MSL3: variants seen among roughly 807,000 people sequenced by gnomAD.
MSL3 encodes the protein MSL3-like 1.
In MSL3, 5 loss-of-function variants were observed where a neutral mutation model predicts 37.2. The observed-to-expected ratio is 0.13, with a 90% CI of 0.07 to 0.28. The LOEUF (loss-of-function observed/expected upper bound fraction) is 0.28, where lower values mean the gene tolerates loss of function less well. Ranked by LOEUF, MSL3 falls within the 10% of genes least tolerant of loss-of-function variation. MSL3 has a pLI of 1.00. For missense variants in MSL3, 315 were observed against 408.5 expected, an observed-to-expected ratio of 0.77 and a Z score of 1.97; for synonymous variants, 149 against 147.6, an observed-to-expected ratio of 1.01 and a Z score of -0.07.
intron 8 of MSL3, 92 bp downstream of exon 8, chrX:11,764,030 C>A: frequency 3.7e-6 from 3 of 817,071 alleles, no homozygotes; most frequent in Non-Finnish European, 5.2e-6. Context: ...TGGTGTGGGC[C>A]AACATGTTTG....
intron 4 of MSL3, chrX:11,761,204 CT>C: frequency 2.8e-6 from 1 of 353,227 alleles, no homozygotes; most frequent in Admixed American, 5.4e-5. Flanking sequence ...GATCTGTTCT[CT>C]TTTTGGCACC....
chrX:11,770,273 A>G (rs1373914910), intron 10 of MSL3, among the ~76,000 whole-genome samples: 1 of 112,096 alleles, frequency 8.9e-6, no homozygotes, highest in African/African-American at 3.3e-5. Flanking sequence ...AATTTGTGTT[A>G]TGATGATTGT....
At chrX:11,765,232 T>C (rs1329539875) in intron 8 of MSL3, among the ~76,000 whole-genome samples, 1 of 112,056 alleles carries the variant, frequency 8.9e-6, no homozygotes, top group Non-Finnish European at 1.9e-5. Flanking sequence ...TGCCATCTGT[T>C]CCCTGTCAGG....
chrX:11,766,952 T>C (rs2053189647), intron 9 of MSL3: 1 of 753,256 alleles, frequency 1.3e-6, no homozygotes, highest in Admixed American at 8.7e-5. Flanking sequence ...TGCCCTGTTC[T>C]TCCCTCAGCC....
intron 5 of MSL3, among the ~76,000 whole-genome samples, chrX:11,761,870 C>A (rs1355672312): frequency 8.9e-6 from 1 of 112,152 alleles, no homozygotes; most frequent in Non-Finnish European, 1.9e-5. Context: ...AGCCTACAGA[C>A]TGTGATGTCT....
chrX:11,761,143 C>T, intron 4 of MSL3: 1 of 397,025 alleles, frequency 2.5e-6, no homozygotes, highest in East Asian at 4.1e-5. Flanking sequence ...GTGACTACTG[C>T]CCTCTCGGCC....
chrX:11,775,294 G>A lies in MSL3; in HGVS notation c.*215G>A. On this transcript the variant is annotated 3_prime_UTR_variant, in exon 13 of 13. Transcript: ENST00000312196. ...GCTCTGACACGACACTTGTTACTTT[G>A]CAGGCCATCTGTGATGGCAAGGAAA... The A allele has an allele frequency of 2.7e-6, 1 of 370,619 alleles. No individual in the cohort carries two copies. Among genetic ancestry groups the A allele is most frequent in the East Asian group, 4.4e-5 (1 of 22,647 alleles). 30.5% of individuals were successfully genotyped at this position (370,619 alleles called of 1,213,427 possible).
chrX:11,758,912 C>A, intron 1 of MSL3: 1 of 566,796 alleles, frequency 1.8e-6, no homozygotes, highest in Non-Finnish European at 2.7e-6. Context: ...TGTTTTCGTA[C>A]CCCAGGGCCT....
rs760588710 is a variant in MSL3 at position 11,766,676 on chromosome X, G to C, written c.1171+947G>C. On this transcript the variant is annotated intron_variant, in intron 9 of 12. Coordinates refer to ENST00000312196, the MANE Select transcript of MSL3 (RefSeq NM_078629.4). ...CCTCGCGGGCTCAGTGAGTTAGGAA[G>C]TCAGCAGCAGGGGAGGCAGCTTGCA... 6.6e-6 allele frequency: 5 copies of C among 753,264 alleles called. No individual in the cohort carries two copies. The East Asian group carries it at 7.6e-4, about 114-fold the overall frequency. 62.1% of individuals were successfully genotyped at this position (753,264 alleles called of 1,213,427 possible).
At chrX:11,772,363 G>C in intron 11 of MSL3, 108 bp downstream of exon 11, 1 of 627,965 alleles carries the variant, frequency 1.6e-6, no homozygotes, top group Non-Finnish European at 2.4e-6. Flanking sequence ...AAGAAATTTG[G>C]GGATCCAAGA....
intron 10 of MSL3, among the ~76,000 whole-genome samples, chrX:11,770,473 G>A (rs1426507033): frequency 8.9e-6 from 1 of 112,107 alleles, no homozygotes; most frequent in Non-Finnish European, 1.9e-5. Flanking sequence ...AGGTACAGCT[G>A]CAACTTATAG....
chrX:11,763,909 A>G lies in MSL3; in HGVS notation c.879A>G (p.Pro293=), dbSNP rs1394027143. 3 of 1,207,869 alleles carry G rather than the reference A, an allele frequency of 2.5e-6. No homozygotes were observed. The highest frequency in any genetic ancestry group is 3.5e-5 in the African/African-American group (2 of 57,150). The change falls in exon 8 of 13, where the codon CCA becomes CCG. Residue 293 remains proline, a synonymous_variant. Coordinates refer to ENST00000312196, the MANE Select transcript of MSL3 (RefSeq NM_078629.4). ...KKVTSSKFFL[P]IKESATSTNR... is the part of the protein sequence containing the mutation. The stretch of plus-strand genomic sequence containing the variant: ...TGACTTCGTCTAAATTTTTTCTTCC[A>G]ATTAAGGAAAGTGCCACAAGCACTA...
intron 9 of MSL3, chrX:11,765,970 C>T: frequency 1.9e-6 from 2 of 1,025,823 alleles, no homozygotes; most frequent in Non-Finnish European, 2.5e-6. Flanking sequence ...TTCTTTTTTG[C>T]CATCACTCTA....
chrX:11,761,429 T>C, intron 4 of MSL3, 71 bp from the exon 5 acceptor site: 1 of 638,877 alleles, frequency 1.6e-6, no homozygotes, highest in Non-Finnish European at 2.4e-6. Flanking sequence ...ACACTACACG[T>C]GAAGATCTGT....
chrX:11,766,308 A>G (rs756803977), intron 9 of MSL3: 32 of 753,203 alleles, frequency 4.2e-5, no homozygotes, highest in Admixed American at 8.6e-5. Context: ...TCCAAAATAC[A>G]CACAGGTTGA....
At chrX:11,758,529 G>T in intron 1 of MSL3, 164 bp downstream of exon 1, 1 of 1,059,721 alleles carries the variant, frequency 9.4e-7, no homozygotes, top group East Asian at 3.7e-5. Context: ...CTACGCCCGG[G>T]AGTCGGGGCG....
At chrX:11,758,604 C>G in intron 1 of MSL3, 1 of 1,139,712 alleles carries the variant, frequency 8.8e-7, no homozygotes, top group Non-Finnish European at 1.2e-6. Flanking sequence ...GGGAGCCTCG[C>G]CCATGCTTTG....
chrX:11,773,816 G>A (rs928184722), intron 12 of MSL3, among the ~76,000 whole-genome samples: 1 of 111,948 alleles, frequency 8.9e-6, no homozygotes, highest in Non-Finnish European at 1.9e-5. Context: ...TTTTAAAAAC[G>A]TATTCGAAGA....
Position 11,758,723 on chromosome X carries a change from C to T in MSL3, c.102+358C>T. On this transcript the variant is annotated intron_variant, in intron 1 of 12. Coordinates refer to ENST00000312196, the MANE Select transcript of MSL3 (RefSeq NM_078629.4). Reference sequence around the variant, plus strand: ...TTCGCGTTAAATGTCTCCTTCTGTGCGGCCTGGTGCCGGGTGGGCTCCTGT... The same window carrying T: ...TTCGCGTTAAATGTCTCCTTCTGTGTGGCCTGGTGCCGGGTGGGCTCCTGT... 3.4e-6 allele frequency: 4 copies of T among 1,166,975 alleles called. No homozygotes were observed. In the Admixed American group the frequency reaches 7.7e-5, roughly 23 times the overall value.
Sources: allele counts gnomAD v4.1 joint callset (sites outside exome capture counted in the v4.1 genomes callset), GRCh38; gene constraint gnomAD v4.1.1; transcripts MANE v1.5; gene names NCBI Gene and HGNC (gene_info 2026-07-23, HGNC 2026-07-21).